LRCH1: variants seen among roughly 807,000 people sequenced by gnomAD.
The protein encoded by LRCH1 is leucine-rich repeat and calponin homology domain-containing protein 1.
A neutral mutation model predicts 94.9 loss-of-function variants in LRCH1; 23 were observed. The ratio of observed to expected loss-of-function variants is 0.24; its 90% CI spans 0.17 to 0.34. The LOEUF is 0.34. Among genes scored for constraint, LRCH1 ranks in the 10% least tolerant of loss-of-function variants. LRCH1 has a pLI of 1.00. For missense variants in LRCH1, 790 were observed against 945.9 expected (o/e 0.84, Z 2.16); for synonymous variants, 364 against 354.9 (o/e 1.03, Z -0.29).
intron 1 of LRCH1, among the ~76,000 whole-genome samples, chr13:46,609,840 A>G (rs950340212): frequency 1.3e-5 from 2 of 152,228 alleles, no homozygotes; most frequent in Non-Finnish European, 2.9e-5. Flanking sequence ...GGCGGGGACC[A>G]GATGGAGCCT....
At chr13:46,653,721 C>T (rs1003813186) in intron 2 of LRCH1, among the ~76,000 whole-genome samples, 2 of 151,934 alleles carry the variant, frequency 1.3e-5, no homozygotes, top group Non-Finnish European at 2.9e-5. Context: ...GGCCCAGCTA[C>T]TTGGGAGGCT....
chr13:46,649,766 T>C (rs1299757523), intron 1 of LRCH1, among the ~76,000 whole-genome samples: 1 of 151,746 alleles, frequency 6.6e-6, no homozygotes. Flanking sequence ...GAGGTTGAGA[T>C]TGCAGTGAGC....
chr13:46,671,460 T>C (rs1734325224), intron 3 of LRCH1, among the ~76,000 whole-genome samples: 1 of 152,166 alleles, frequency 6.6e-6, no homozygotes, highest in African/African-American at 2.4e-5. Flanking sequence ...TGGTGGAAGG[T>C]GAACCTGGAA....
intron 4 of LRCH1, among the ~76,000 whole-genome samples, chr13:46,683,367 A>G (rs1354745812): frequency 6.6e-6 from 1 of 152,254 alleles, no homozygotes; most frequent in Non-Finnish European, 1.5e-5. Context: ...AAGCAGAGTT[A>G]GAAACTCAAC....
At chr13:46,698,063 G>A (rs531096081) in intron 9 of LRCH1, among the ~76,000 whole-genome samples, 5 of 152,346 alleles carry the variant, frequency 3.3e-5, no homozygotes, top group Admixed American at 6.5e-5. Flanking sequence ...GAGTGGCACA[G>A]TCTTTTATAC....
intron 1 of LRCH1, among the ~76,000 whole-genome samples, chr13:46,631,276 C>G (rs1263223666): frequency 6.6e-6 from 1 of 152,214 alleles, no homozygotes; most frequent in Non-Finnish European, 1.5e-5. Context: ...GAGTGACTGT[C>G]TCTTTACAAC....
At chr13:46,679,557 C>G (rs577283606) in intron 3 of LRCH1, among the ~76,000 whole-genome samples, 2 of 152,172 alleles carry the variant, frequency 1.3e-5, no homozygotes, top group African/African-American at 4.8e-5. Flanking sequence ...ACGTTTTTGT[C>G]TCTGCAGATG....
intron 1 of LRCH1, among the ~76,000 whole-genome samples, chr13:46,607,912 A>G (rs1357523701): frequency 6.6e-6 from 1 of 152,058 alleles, no homozygotes; most frequent in East Asian, 1.9e-4. Flanking sequence ...GTTCATCTCT[A>G]ATATAGTTAA....
At position 46,640,667 on chromosome 13, in the gene LRCH1, C is replaced by T. The variant is rs79493648; in HGVS notation, c.308-9534C>T. The stretch of plus-strand genomic sequence containing the variant: ...TACTGTACAACAATGAACAAAGCTC[C>T]TAATCTTCATGGAGCTTACGTTCTA... On this transcript the variant is annotated intron_variant, in intron 1 of 19. Coordinates refer to ENST00000389797, the MANE Select transcript of LRCH1 (RefSeq NM_001164211.2). 1.1e-3 allele frequency among the ~76,000 whole-genome samples: 169 copies of T among 152,260 alleles called. 4 individuals are homozygous for T. In the East Asian group the frequency reaches 0.022, roughly 20 times the overall value.
chr13:46,598,647 G>A (rs769035544), intron 1 of LRCH1, among the ~76,000 whole-genome samples: 4 of 151,750 alleles, frequency 2.6e-5, no homozygotes, highest in Non-Finnish European at 2.9e-5. Flanking sequence ...TGAGGAAATG[G>A]TTTTGCAAGG....
At chr13:46,685,842 C>T in intron 4 of LRCH1, 63 bp from the exon 5 acceptor site, 3 of 1,156,508 alleles carry the variant, frequency 2.6e-6, no homozygotes, top group Non-Finnish European at 2.4e-6. Context: ...GAATGATTAG[C>T]CATTTAATCT....
At chr13:46,597,644 A>G (rs568950942) in intron 1 of LRCH1, among the ~76,000 whole-genome samples, 31 of 152,126 alleles carry the variant, frequency 2.0e-4, no homozygotes, top group Non-Finnish European at 2.8e-4. Context: ...GGCGTGAACC[A>G]CCGCGCCTGG....
intron 1 of LRCH1, among the ~76,000 whole-genome samples, chr13:46,596,147 T>C (rs2050560574): frequency 6.6e-6 from 1 of 152,044 alleles, no homozygotes; most frequent in African/African-American, 2.4e-5. Flanking sequence ...GATGAGGGAG[T>C]TGACATGATC....
intron 1 of LRCH1, among the ~76,000 whole-genome samples, chr13:46,577,487 C>G (rs2050317225): frequency 6.6e-6 from 1 of 152,142 alleles, no homozygotes; most frequent in South Asian, 2.1e-4. Flanking sequence ...ATCCCTTTGC[C>G]ATTTAAGATG....
At chr13:46,613,453 C>T (rs2050770479) in intron 1 of LRCH1, among the ~76,000 whole-genome samples, 1 of 152,102 alleles carries the variant, frequency 6.6e-6, no homozygotes. Context: ...CCCCATCAGC[C>T]ATCAACGCTT....
intron 1 of LRCH1, among the ~76,000 whole-genome samples, chr13:46,614,629 G>A (rs992513536): frequency 4.6e-5 from 7 of 152,060 alleles, no homozygotes; most frequent in Non-Finnish European, 8.8e-5. Flanking sequence ...CGTGAATCAG[G>A]TTTTCTAGTT....
intron 1 of LRCH1, among the ~76,000 whole-genome samples, chr13:46,591,007 T>G (rs976626373): frequency 2.0e-5 from 3 of 152,068 alleles, no homozygotes; most frequent in African/African-American, 7.2e-5. Context: ...CTCTGCGAGC[T>G]ATACACCTGT....
At chr13:46,719,599 A>G (rs1036109780) in intron 16 of LRCH1, among the ~76,000 whole-genome samples, 4 of 152,250 alleles carry the variant, frequency 2.6e-5, no homozygotes, top group Non-Finnish European at 5.9e-5. Context: ...ATCTGCAAGT[A>G]TGAATTTGAT....
At chr13:46,641,084 G>T (rs1473941524) in intron 1 of LRCH1, among the ~76,000 whole-genome samples, 7 of 152,132 alleles carry the variant, frequency 4.6e-5, no homozygotes, top group African/African-American at 1.7e-4. Context: ...CCTTACTGGG[G>T]GGCAGTTCTG....
Sources: gnomAD v4.1 joint callset for allele counts (sites outside exome capture counted in the v4.1 genomes callset) on GRCh38, gnomAD v4.1.1 for gene constraint, MANE v1.5 for transcripts, NCBI Gene and HGNC (gene_info 2026-07-23, HGNC 2026-07-21) for gene names.